The following SUCO variants were observed in gnomAD, a reference collection of about 807,000 sequenced individuals.
SUCO encodes the protein SUN domain containing ossification factor, also known as SUN domain-containing ossification factor.
Under a neutral mutation model 148.1 loss-of-function variants are expected in SUCO, and 57 were observed. The observed-to-expected ratio is 0.38, with a 90% CI of 0.31 to 0.48. The LOEUF is 0.48. SUCO is among the 20% of genes least tolerant of loss of function. The pLI is 0.96. For missense variants in SUCO, 1,331 were observed against 1,468.2 expected, an observed-to-expected ratio of 0.91 and a Z score of 1.53; for synonymous variants, 470 against 502.7, an observed-to-expected ratio of 0.93 and a Z score of 0.87.
At chr1:172,580,046 CT>C (rs1197149182) in intron 15 of SUCO, among the ~76,000 whole-genome samples, 1 of 152,098 alleles carries the variant, frequency 6.6e-6, no homozygotes. Flanking sequence ...TGAACATTGA[CT>C]TTGTAAGTTT....
chr1:172,576,331 T>C (rs1230887912), intron 11 of SUCO, among the ~76,000 whole-genome samples: 1 of 151,750 alleles, frequency 6.6e-6, no homozygotes, highest in Non-Finnish European at 1.5e-5. Context: ...CTATCCTTTC[T>C]TCTTTAAATG....
intron 1 of SUCO, among the ~76,000 whole-genome samples, chr1:172,541,259 A>T (rs944597218): frequency 3.9e-5 from 6 of 152,208 alleles, no homozygotes; most frequent in Non-Finnish European, 8.8e-5. Context: ...AGATATTTTA[A>T]ATCACCTCTA....
At chr1:172,570,415 A>G in intron 8 of SUCO, 1 of 491,900 alleles carries the variant, frequency 2.0e-6, no homozygotes, top group Non-Finnish European at 3.6e-6. Flanking sequence ...AATAACTAAA[A>G]TATTATTTTT....
chr1:172,578,481 A>G (rs1220783686), intron 14 of SUCO, 92 bp downstream of exon 14: 5 of 1,427,290 alleles, frequency 3.5e-6, no homozygotes, highest in African/African-American at 1.5e-5. Flanking sequence ...ACTTAAATCA[A>G]TATGACTGTT....
At chr1:172,553,459 A>G (rs1653464603) in intron 3 of SUCO, 89 bp downstream of exon 3, 1 of 923,974 alleles carries the variant, frequency 1.1e-6, no homozygotes, top group Non-Finnish European at 1.6e-6. Context: ...TTGTGTGTGT[A>G]TTGTTAGTTT....
Position 172,533,209 on chromosome 1 carries a change from G to T in SUCO, c.-227G>T. The T allele has an allele frequency of 6.6e-7, 1 of 1,519,530 alleles. No individual in the cohort carries two copies. Among genetic ancestry groups the T allele is most frequent in the Non-Finnish European group, 8.8e-7 (1 of 1,133,450 alleles). 94.1% of individuals were successfully genotyped at this position (1,519,530 alleles called of 1,614,324 possible). A position where few individuals can be genotyped will look rare whatever the true frequency, so the allele number is the denominator to read the frequency against. On this transcript the variant is annotated 5_prime_UTR_variant, in exon 1 of 24. Transcript: ENST00000263688. ...TGGACGAGCCGGTGGCTGCAGCGGC[G>T]GCGGTCCCCGGAGTCCTGTGAAGCG... is the stretch of plus-strand genomic sequence containing the variant.
At chr1:172,578,059 C>G (rs1396597910) in intron 13 of SUCO, among the ~76,000 whole-genome samples, 2 of 151,438 alleles carry the variant, frequency 1.3e-5, no homozygotes, top group East Asian at 3.9e-4. Flanking sequence ...GATGATAATA[C>G]ACAGAAACGT....
intron 19 of SUCO, among the ~76,000 whole-genome samples, chr1:172,595,830 C>A (rs1657054756): frequency 6.6e-6 from 1 of 152,148 alleles, no homozygotes. Context: ...GCCTGCCTTG[C>A]TAGGTTGGGG....
chr1:172,607,959 C>A (rs1657967686), intron 22 of SUCO: 2 of 353,272 alleles, frequency 5.7e-6, no homozygotes, highest in Non-Finnish European at 7.9e-6. Flanking sequence ...GCTTTTGTCT[C>A]TGTCAGACCT....
chr1:172,545,260 A>G (rs1018039357), intron 1 of SUCO, among the ~76,000 whole-genome samples: 2 of 152,204 alleles, frequency 1.3e-5, no homozygotes, highest in African/African-American at 4.8e-5. Flanking sequence ...TTTATCCTCA[A>G]CATTAAGGTA....
At position 172,545,906 on chromosome 1, in the gene SUCO, G is replaced by A. The variant is rs138702898; in HGVS notation, c.63-5606G>A. Among the ~76,000 whole-genome samples, 383 of 151,464 alleles carry A rather than the reference G, an allele frequency of 2.5e-3. 1 individual carries two copies. The highest frequency in any genetic ancestry group is 4.0e-3 in the Non-Finnish European group (270 of 67,920). On this transcript the variant is annotated intron_variant, in intron 1 of 23. Coordinates refer to ENST00000263688, the MANE Select transcript of SUCO (RefSeq NM_014283.5). Reference sequence around the variant, plus strand: ...CTTCCGTCCTTCTGTCCGTCCGTCCGTCCTTCCTTCCTTCCTTTCCTTTCC... The same window carrying A: ...CTTCCGTCCTTCTGTCCGTCCGTCCATCCTTCCTTCCTTCCTTTCCTTTCC...
intron 11 of SUCO, among the ~76,000 whole-genome samples, chr1:172,576,151 G>A (rs1655421245): frequency 6.6e-6 from 1 of 151,774 alleles, no homozygotes. Flanking sequence ...TTCCACTGCT[G>A]CTTCTACCAA....
chr1:172,567,413 CTT>C (rs1308373453), intron 6 of SUCO, among the ~76,000 whole-genome samples: 2 of 152,122 alleles, frequency 1.3e-5, no homozygotes, highest in Non-Finnish European at 2.9e-5. Flanking sequence ...TATTCCTTCT[CTT>C]GTCTTCAGAT....
chr1:172,532,560 G>A, upstream of SUCO: 1 of 1,613,876 alleles, frequency 6.2e-7, no homozygotes, highest in South Asian at 1.1e-5. Context: ...AAAGGGCTTG[G>A]TGCAGCTTCC....
chr1:172,571,320 CG>C, intron 9 of SUCO, among the ~76,000 whole-genome samples: 1 of 152,308 alleles, frequency 6.6e-6, no homozygotes, highest in Admixed American at 6.5e-5. Flanking sequence ...CTCGGCCTCC[CG>C]AGGTGCCGGG....
At chr1:172,550,911 A>C (rs1653245117) in intron 1 of SUCO, 1 of 970,214 alleles carries the variant, frequency 1.0e-6, no homozygotes, top group Non-Finnish European at 1.2e-6. Flanking sequence ...TGAATGTCAG[A>C]GCTTAACTCT....
intron 7 of SUCO, among the ~76,000 whole-genome samples, chr1:172,569,682 G>A (rs563710367): frequency 2.0e-5 from 3 of 151,750 alleles, no homozygotes; most frequent in African/African-American, 7.3e-5. Context: ...TCTTGCGTGT[G>A]TACCCCAGAG....
chr1:172,552,216 A>G (rs940815086), intron 2 of SUCO: 14 of 151,994 alleles, frequency 9.2e-5, no homozygotes, highest in African/African-American at 3.4e-4. Flanking sequence ...CCTTTCCCCA[A>G]AGGAACAACA....
At chr1:172,553,411 A>G (rs1653458304) in intron 3 of SUCO, 41 bp downstream of exon 3, 11 of 1,405,198 alleles carry the variant, frequency 7.8e-6, no homozygotes, top group Non-Finnish European at 7.9e-6. Context: ...ATGTCATTTC[A>G]AACTACTTTA....
Sources: allele counts gnomAD v4.1 joint callset (sites outside exome capture counted in the v4.1 genomes callset), GRCh38; gene constraint gnomAD v4.1.1; transcripts MANE v1.5; gene names NCBI Gene and HGNC (gene_info 2026-07-23, HGNC 2026-07-21).